MRTFB: variants seen among roughly 807,000 people sequenced by gnomAD.
MRTFB encodes the protein myocardin-related transcription factor B.
A neutral mutation model predicts 104.2 loss-of-function variants in MRTFB; 29 were observed. The ratio of observed to expected loss-of-function variants is 0.28; its 90% CI spans 0.21 to 0.38. The LOEUF is 0.38. MRTFB is among the 10% of genes least tolerant of loss of function. The probability of loss-of-function intolerance (pLI) is 1.00; values close to 1 mark genes in which losing one functional copy is unlikely to be tolerated. For synonymous variants in MRTFB, 535 were observed against 519.5 expected (o/e 1.03, Z -0.41); for missense variants, 1,270 against 1,341.6 (o/e 0.95, Z 0.83).
At chr16:14,123,920 T>C (rs2142323726) in intron 2 of MRTFB, among the ~76,000 whole-genome samples, 1 of 152,360 alleles carries the variant, frequency 6.6e-6, no homozygotes, top group Admixed American at 6.5e-5. Flanking sequence ...TTTTTCCATT[T>C]GTTTTTGCCC....
chr16:14,161,582 C>G (rs12933161), intron 3 of MRTFB, among the ~76,000 whole-genome samples: 9,297 of 152,106 alleles, frequency 0.061, 388 homozygotes, highest in Non-Finnish European at 0.091. Flanking sequence ...AAGAAAAAAC[C>G]TGATAGATTG....
chr16:14,155,453 G>T (rs1405134022), intron 3 of MRTFB, among the ~76,000 whole-genome samples: 2 of 151,970 alleles, frequency 1.3e-5, no homozygotes, highest in Non-Finnish European at 2.9e-5. Context: ...TCCTATTTAA[G>T]AGTTGCATTT....
At chr16:14,144,461 A>G (rs1185746872) in intron 3 of MRTFB, 1 of 152,196 alleles carries the variant, frequency 6.6e-6, no homozygotes, top group Admixed American at 6.5e-5. Flanking sequence ...GATAGGAGGA[A>G]TAAGTTTAAG....
intron 8 of MRTFB, among the ~76,000 whole-genome samples, chr16:14,219,871 G>A (rs226785): frequency 0.059 from 9,044 of 152,248 alleles, 516 homozygotes; most frequent in East Asian, 0.29. Context: ...GAGAGGGAGG[G>A]AAGGGGAGAG....
intron 10 of MRTFB, among the ~76,000 whole-genome samples, chr16:14,243,864 G>GGTTTTTTTTTTTTTT (rs2042889127): frequency 2.4e-5 from 3 of 124,676 alleles, no homozygotes; most frequent in Non-Finnish European, 4.7e-5. Flanking sequence ...CCTGTTTTGG[G>GGTTTTTTTTTTTTTT]TTTTTTTTTT....
chr16:14,208,961 C>T (rs1051498634), intron 3 of MRTFB, among the ~76,000 whole-genome samples: 4 of 152,038 alleles, frequency 2.6e-5, no homozygotes, highest in South Asian at 2.1e-4. Context: ...GATCCTGTGG[C>T]CCCAAACCAA....
intron 3 of MRTFB, among the ~76,000 whole-genome samples, chr16:14,205,285 T>C (rs1008424705): frequency 1.3e-5 from 2 of 152,206 alleles, no homozygotes; most frequent in African/African-American, 4.8e-5. Flanking sequence ...TAAAAATGCC[T>C]GGGACCCAGG....
At chr16:14,101,561 G>C (rs2035702885) in intron 2 of MRTFB, among the ~76,000 whole-genome samples, 1 of 152,184 alleles carries the variant, frequency 6.6e-6, no homozygotes, top group Non-Finnish European at 1.5e-5. Flanking sequence ...CACAGCTGAT[G>C]TTCCTTTGGG....
chr16:14,003,704 C>T, the MRTFB span, among the ~76,000 whole-genome samples: 3 of 146,454 alleles, frequency 2.0e-5, no homozygotes, highest in Non-Finnish European at 4.5e-5. Flanking sequence ...TTCTTTCCTT[C>T]TTCCTTCCCT....
chr16:14,189,636 A>T (rs1234749587), intron 3 of MRTFB, among the ~76,000 whole-genome samples: 1 of 152,192 alleles, frequency 6.6e-6, no homozygotes. Flanking sequence ...CATTTTTGGA[A>T]AACTTGTTTT....
At chr16:14,146,155 G>A (rs2038300519) in intron 3 of MRTFB, among the ~76,000 whole-genome samples, 1 of 152,200 alleles carries the variant, frequency 6.6e-6, no homozygotes, top group African/African-American at 2.4e-5. Context: ...TTGAGTCCAG[G>A]TACTTTTAAG....
chr16:14,121,649 G>T (rs1297418829), intron 2 of MRTFB, among the ~76,000 whole-genome samples: 1 of 152,030 alleles, frequency 6.6e-6, no homozygotes, highest in South Asian at 2.1e-4. Flanking sequence ...AAGCGTTTTT[G>T]TTTTTGTTTT....
the MRTFB span, among the ~76,000 whole-genome samples, chr16:14,054,858 T>A: frequency 6.6e-6 from 1 of 152,210 alleles, no homozygotes. Context: ...CAGATTCACA[T>A]TGCTGCTAGA....
the MRTFB span, among the ~76,000 whole-genome samples, chr16:14,027,769 T>A: frequency 4.6e-5 from 7 of 152,330 alleles, no homozygotes; most frequent in East Asian, 1.3e-3. Flanking sequence ...TTGGGGACAG[T>A]GACAGAGCAG....
At chr16:14,192,502 T>C (rs1335166701) in intron 3 of MRTFB, among the ~76,000 whole-genome samples, 1 of 152,362 alleles carries the variant, frequency 6.6e-6, no homozygotes, top group East Asian at 1.9e-4. Flanking sequence ...GATGAAGTTA[T>C]ATAATTTTTT....
chr16:14,248,835 C>A, intron 12 of MRTFB, 91 bp from the exon 13 acceptor site: 1 of 1,372,208 alleles, frequency 7.3e-7, no homozygotes, highest in Non-Finnish European at 1.0e-6. Flanking sequence ...TAGATACAAT[C>A]CCCAAGTGAC....
intron 2 of MRTFB, among the ~76,000 whole-genome samples, chr16:14,089,089 A>G (rs1232906533): frequency 1.3e-5 from 2 of 152,222 alleles, no homozygotes; most frequent in African/African-American, 2.4e-5. Context: ...GAGTGATTCA[A>G]CCAGGCCTCT....
chr16:13,997,574 T>C, the MRTFB span, among the ~76,000 whole-genome samples: 2 of 151,608 alleles, frequency 1.3e-5, no homozygotes, highest in African/African-American at 2.4e-5. Context: ...GCAAGAGGAT[T>C]ACTTGAGCCC....
At chr16:14,090,731 G>A (rs1344893972) in intron 2 of MRTFB, among the ~76,000 whole-genome samples, 2 of 152,152 alleles carry the variant, frequency 1.3e-5, no homozygotes, top group African/African-American at 4.8e-5. Flanking sequence ...TGTATGCCAA[G>A]TACACTAGCA....
Sources: allele counts gnomAD v4.1 joint callset (sites outside exome capture counted in the v4.1 genomes callset), GRCh38; gene constraint gnomAD v4.1.1; transcripts MANE v1.5; gene names NCBI Gene and HGNC (gene_info 2026-07-23, HGNC 2026-07-21).